The following RPS6KA5 variants were observed in gnomAD, a reference collection of about 807,000 sequenced individuals.
The protein encoded by RPS6KA5 is ribosomal protein S6 kinase alpha-5.
Under a neutral mutation model 85.5 loss-of-function variants are expected in RPS6KA5, and 27 were observed. The observed-to-expected ratio is 0.32, with a 90% CI of 0.23 to 0.44. The LOEUF is 0.44. RPS6KA5 is among the 20% of genes least tolerant of loss of function. The probability of loss-of-function intolerance (pLI) is 1.00; values close to 1 mark genes in which losing one functional copy is unlikely to be tolerated. For synonymous variants in RPS6KA5, 334 were observed against 348.2 expected (o/e 0.96, Z 0.46); for missense variants, 811 against 980.9 (o/e 0.83, Z 2.31).
Position 90,870,392 on chromosome 14 carries a change from A to G in RPS6KA5, c.*1682T>C, listed in dbSNP as rs913590641. 4 of 152,200 alleles carry G rather than the reference A, an allele frequency of 2.6e-5. No homozygotes were observed. The highest frequency in any genetic ancestry group is 9.6e-5 in the African/African-American group (4 of 41,468). 9.4% of individuals were successfully genotyped at this position (152,200 alleles called of 1,614,324 possible). On this transcript the variant is annotated 3_prime_UTR_variant, in exon 17 of 17. Coordinates refer to ENST00000614987, the MANE Select transcript of RPS6KA5 (RefSeq NM_004755.4). ...TCAATATTATGTAGCCATTTGGGCC[A>G]GCAAAAAGTGTAAAATATTATTCCC...
Position 90,862,468 on chromosome 14 carries a change from CTTCTTCTTCT to C in RPS6KA5, c.*9596_*9605del, listed in dbSNP as rs2032609549. 1 of 152,070 alleles carries C rather than the reference CTTCTTCTTCT, an allele frequency of 6.6e-6. No individual in the cohort carries two copies. The allele number at this position is 152,070 out of a possible 1,614,324, so 9.4% of individuals were successfully genotyped here. ...CCTCCTCCTCCTCCTTCTTCTTCTTCTTCTTCTTCTTTTTTTAATGCTAGGCTCCTGCTCT... is the reference window on the plus strand; with the variant it reads ...CCTCCTCCTCCTCCTTCTTCTTCTTCTTTTTTAATGCTAGGCTCCTGCTCT... On this transcript the variant is annotated 3_prime_UTR_variant, in exon 17 of 17. Transcript: ENST00000614987.
intron 16 of RPS6KA5, 130 bp downstream of exon 16, chr14:90,873,502 C>T: frequency 1.2e-6 from 1 of 851,556 alleles, no homozygotes; most frequent in Non-Finnish European, 1.7e-6. Context: ...TAAAAACATA[C>T]CTAAAAGTAA....
intron 14 of RPS6KA5, among the ~76,000 whole-genome samples, chr14:90,889,321 T>C (rs1315097797): frequency 8.0e-6 from 1 of 124,236 alleles, no homozygotes; most frequent in South Asian, 2.6e-4. Context: ...AAAAAAAGAG[T>C]AATTCATAAA....
At chr14:91,056,281 A>G (rs900461237) in intron 1 of RPS6KA5, among the ~76,000 whole-genome samples, 4 of 152,154 alleles carry the variant, frequency 2.6e-5, no homozygotes, top group African/African-American at 4.8e-5. Context: ...TTTTATCCCT[A>G]TCCATGTTTA....
chr14:90,899,302 G>GAAAAAAAA, intron 12 of RPS6KA5, 27 bp downstream of exon 12: 2 of 1,280,702 alleles, frequency 1.6e-6, no homozygotes, highest in Non-Finnish European at 2.2e-6. Context: ...GTACACATGG[G>GAAAAAAAA]AAAAAAAAAA....
chr14:90,913,239 T>G (rs2035929325), intron 7 of RPS6KA5, among the ~76,000 whole-genome samples: 1 of 151,990 alleles, frequency 6.6e-6, no homozygotes. Flanking sequence ...TTCCCTCTTC[T>G]GCCCAGTACA....
chr14:90,901,900 T>C (rs908247839), intron 9 of RPS6KA5, among the ~76,000 whole-genome samples: 1 of 152,166 alleles, frequency 6.6e-6, no homozygotes, highest in Admixed American at 6.5e-5. Context: ...ATATGGGGGT[T>C]GAGGGGCACG....
chr14:90,896,638 G>T (rs747109013), intron 12 of RPS6KA5, among the ~76,000 whole-genome samples: 2 of 152,154 alleles, frequency 1.3e-5, no homozygotes, highest in South Asian at 4.2e-4. Flanking sequence ...ATGTTGGGGG[G>T]TGTCTAGAAG....
intron 3 of RPS6KA5, among the ~76,000 whole-genome samples, chr14:90,971,895 T>C (rs570797982): frequency 6.6e-6 from 1 of 152,170 alleles, no homozygotes; most frequent in Non-Finnish European, 1.5e-5. Context: ...AAGAAGGAAC[T>C]GGGCAAGACA....
At chr14:91,023,969 T>C (rs1207901744) in intron 1 of RPS6KA5, among the ~76,000 whole-genome samples, 1 of 152,216 alleles carries the variant, frequency 6.6e-6, no homozygotes, top group African/African-American at 2.4e-5. Flanking sequence ...TCTTCTTTTA[T>C]TCTCAGAATT....
intron 1 of RPS6KA5, among the ~76,000 whole-genome samples, chr14:91,041,025 A>T (rs2042588983): frequency 6.6e-6 from 1 of 152,182 alleles, no homozygotes; most frequent in Admixed American, 6.5e-5. Context: ...GGAAGGAGGG[A>T]TAATAGAAAT....
intron 1 of RPS6KA5, among the ~76,000 whole-genome samples, chr14:91,024,716 A>G (rs1369943285): frequency 6.6e-6 from 1 of 152,106 alleles, no homozygotes; most frequent in Non-Finnish European, 1.5e-5. Flanking sequence ...GGTTCTGCTC[A>G]CTTTAACACC....
intron 2 of RPS6KA5, among the ~76,000 whole-genome samples, chr14:90,983,841 T>TCTCTCTC (rs1487178474): frequency 1.2e-4 from 9 of 75,288 alleles, no homozygotes; most frequent in Non-Finnish European, 1.7e-4. Context: ...CTCTCTCTCT[T>TCTCTCTC]TCTTTTTTTC....
chr14:90,968,507 T>C (rs1056340525), intron 3 of RPS6KA5, among the ~76,000 whole-genome samples: 4 of 152,180 alleles, frequency 2.6e-5, no homozygotes, highest in African/African-American at 9.7e-5. Flanking sequence ...CATTATTCAG[T>C]CTACCACAGC....
chr14:90,915,667 C>T (rs886389165), intron 7 of RPS6KA5, among the ~76,000 whole-genome samples: 62 of 151,716 alleles, frequency 4.1e-4, no homozygotes, highest in African/African-American at 1.3e-3. Context: ...ATTAGGTGGG[C>T]GTGGTGGCAT....
At chr14:90,887,943 C>T (rs1231151719) in intron 14 of RPS6KA5, among the ~76,000 whole-genome samples, 14 of 74,294 alleles carry the variant, frequency 1.9e-4, no homozygotes, top group Admixed American at 8.8e-4. Context: ...GGGAGGCTAT[C>T]GCAAAAAAAA....
intron 1 of RPS6KA5, among the ~76,000 whole-genome samples, chr14:91,023,082 TAAAAAAA>T (rs368649949): frequency 2.1e-5 from 2 of 96,470 alleles, no homozygotes; most frequent in Non-Finnish European, 3.9e-5. Context: ...AAACTCTATC[TAAAAAAA>T]AAAAAAAAAA....
At chr14:90,906,510 A>G (rs1039994030) in intron 7 of RPS6KA5, among the ~76,000 whole-genome samples, 6 of 152,188 alleles carry the variant, frequency 3.9e-5, no homozygotes, top group East Asian at 1.9e-4. Context: ...GTAACAAAAA[A>G]TGTTGGCTCA....
chr14:90,887,204 C>T (rs1183712739), intron 14 of RPS6KA5, among the ~76,000 whole-genome samples: 1 of 152,064 alleles, frequency 6.6e-6, no homozygotes, highest in Non-Finnish European at 1.5e-5. Context: ...TTTTTGGAGA[C>T]AGGGTCTTGC....
Sources: gnomAD v4.1 joint callset for allele counts (sites outside exome capture counted in the v4.1 genomes callset) on GRCh38, gnomAD v4.1.1 for gene constraint, MANE v1.5 for transcripts, NCBI Gene and HGNC (gene_info 2026-07-23, HGNC 2026-07-21) for gene names.